Variants in MYO9B observed in about 807,000 individuals in gnomAD.
MYO9B encodes the protein myosin IXB.
In MYO9B, 71 loss-of-function variants were observed where a neutral mutation model predicts 229.5. The ratio of observed to expected loss-of-function variants is 0.31; its 90% CI spans 0.26 to 0.38. MYO9B has a LOEUF of 0.38. MYO9B is among the 10% of genes least tolerant of loss of function. MYO9B has a pLI of 1.00. For synonymous variants in MYO9B, 1,185 were observed against 1,235.8 expected, an observed-to-expected ratio of 0.96 and a Z score of 0.86; for missense variants, 2,255 against 2,920.5, an observed-to-expected ratio of 0.77 and a Z score of 5.25.
At chr19:17,175,395 G>A (rs531473205) in intron 13 of MYO9B, among the ~76,000 whole-genome samples, 1 of 151,984 alleles carries the variant, frequency 6.6e-6, no homozygotes, top group African/African-American at 2.4e-5. Context: ...GACCAGCCTG[G>A]CCAATATGGC....
At position 17,161,745 on chromosome 19, in the gene MYO9B, G is replaced by T. The variant is rs1244832556; in HGVS notation, c.1420-605G>T. ...GCTGGAGAATCGCTTGAACCCAGGA[G>T]GGAGAGGTTGCAGTGAGCCAAGACT... On this transcript the variant is annotated intron_variant, in intron 8 of 39. Coordinates refer to ENST00000682292, the MANE Select transcript of MYO9B (RefSeq NM_004145.4). 2.6e-5 allele frequency among the ~76,000 whole-genome samples: 4 copies of T among 152,074 alleles called. No homozygotes were observed. In the East Asian group the frequency reaches 5.8e-4, roughly 22 times the overall value.
At chr19:17,174,573 G>C (rs1435529687) in intron 13 of MYO9B, among the ~76,000 whole-genome samples, 1 of 152,104 alleles carries the variant, frequency 6.6e-6, no homozygotes, top group South Asian at 2.1e-4. Flanking sequence ...GGAGGCGGAG[G>C]TTGCAGTGAG....
chr19:17,205,222 C>T (rs2145504933), intron 30 of MYO9B, 41 bp from the exon 31 acceptor site: 1 of 1,580,614 alleles, frequency 6.3e-7, no homozygotes, highest in East Asian at 2.2e-5. Flanking sequence ...AATCTGGGGT[C>T]CCCAGCACCC....
In MYO9B at chr19:17,162,463, C is replaced by T. The variant is rs929451302; in HGVS notation, c.1533C>T (p.Val511=). Residue 511 remains valine, a synonymous_variant, in exon 9 of 40, where the codon GTC becomes GTT. Coordinates refer to ENST00000682292, the MANE Select transcript of MYO9B (RefSeq NM_004145.4). ...LLNKKDVEEA[V]SCLSIGVLDI... is the part of the protein sequence containing the mutation. The stretch of plus-strand genomic sequence containing the variant: ...ACAAGAAGGACGTGGAAGAGGCAGT[C>T]TCGGTGAGTGCCCCCATTTGCTTCC... The T allele has an allele frequency of 1.3e-6, 2 of 1,559,950 alleles. No homozygotes were observed. Among genetic ancestry groups the T allele is most frequent in the Non-Finnish European group, 8.7e-7 (1 of 1,153,526 alleles).
chr19:17,139,635 G>A (rs963240791), intron 2 of MYO9B, among the ~76,000 whole-genome samples: 4 of 151,830 alleles, frequency 2.6e-5, no homozygotes, highest in Non-Finnish European at 4.4e-5. Flanking sequence ...CTACCTGGGA[G>A]CTTGAGGCGG....
At chr19:17,143,647 C>T (rs989050218) in intron 2 of MYO9B, among the ~76,000 whole-genome samples, 1 of 151,946 alleles carries the variant, frequency 6.6e-6, no homozygotes, top group Non-Finnish European at 1.5e-5. Context: ...TGGGGCCAGG[C>T]ACAGTGGCTC....
chr19:17,169,802 C>CTTTTTTTTTT (rs762583073), intron 11 of MYO9B, among the ~76,000 whole-genome samples: 5 of 106,588 alleles, frequency 4.7e-5, no homozygotes, highest in African/African-American at 2.1e-4. Flanking sequence ...CTGTCTCCTC[C>CTTTTTTTTTT]TTTTTTTTTT....
rs1171296039 is a variant in MYO9B at position 17,113,521 on chromosome 19, A to T, written c.840+10964A>T. 2.6e-5 allele frequency among the ~76,000 whole-genome samples: 4 copies of T among 152,114 alleles called. No homozygotes were observed. In the East Asian group the frequency reaches 7.8e-4, roughly 29 times the overall value. On this transcript the variant is annotated intron_variant, in intron 2 of 39. Transcript: ENST00000682292. ...TAAACAGCGGGATGGTTATCCACAC[A>T]AACATCTAGGTCACCCATCCACACA...
At chr19:17,152,445 A>G (rs1225967938) in intron 3 of MYO9B, 199 bp from the exon 4 acceptor site, 1 of 461,966 alleles carries the variant, frequency 2.2e-6, no homozygotes, top group Non-Finnish European at 3.9e-6. Flanking sequence ...TGTAGTTCCA[A>G]CCAACCACTG....
At chr19:17,185,034 GGCTTGTGTA>G in intron 17 of MYO9B, 47 bp downstream of exon 17, 1 of 1,612,300 alleles carries the variant, frequency 6.2e-7, no homozygotes, top group Non-Finnish European at 8.5e-7. Context: ...CTCAGCCTCA[GGCTTGTGTA>G]GCTTCACCCG....
At chr19:17,175,998 A>G (rs1425784560) in intron 14 of MYO9B, among the ~76,000 whole-genome samples, 2 of 149,884 alleles carry the variant, frequency 1.3e-5, no homozygotes, top group East Asian at 4.0e-4. Context: ...ATGCCCAGCT[A>G]ATTTTGTTTT....
At chr19:17,158,695 A>T (rs2072564257) in intron 7 of MYO9B, among the ~76,000 whole-genome samples, 1 of 151,894 alleles carries the variant, frequency 6.6e-6, no homozygotes, top group South Asian at 2.1e-4. Flanking sequence ...GCGGGGAGGG[A>T]TGAGCGTGTC....
intron 2 of MYO9B, among the ~76,000 whole-genome samples, chr19:17,122,476 C>G (rs548419511): frequency 1.3e-5 from 2 of 152,206 alleles, no homozygotes; most frequent in East Asian, 1.9e-4. Flanking sequence ...GAGATTGCAC[C>G]TCTGCACTCC....
chr19:17,086,176 T>A (rs577295318), intron 1 of MYO9B, among the ~76,000 whole-genome samples: 2 of 152,298 alleles, frequency 1.3e-5, no homozygotes, highest in East Asian at 3.9e-4. Flanking sequence ...GGCTCCCCTG[T>A]CGGACTTGCA....
chr19:17,210,505 TG>T, intron 37 of MYO9B, 125 bp downstream of exon 37: 1 of 1,306,740 alleles, frequency 7.7e-7, no homozygotes, highest in Non-Finnish European at 1.0e-6. Flanking sequence ...AAGTGCATGC[TG>T]GGGAGGCCCC....
chr19:17,175,073 G>T (rs935053355), intron 13 of MYO9B, among the ~76,000 whole-genome samples: 2 of 151,970 alleles, frequency 1.3e-5, no homozygotes, highest in Admixed American at 6.6e-5. Flanking sequence ...AGCTATTTGA[G>T]ACCAGCCTGG....
In MYO9B at chr19:17,195,610, G is replaced by A. The variant is rs144868696; in HGVS notation, c.4046+137G>A. Reference sequence around the variant, plus strand: ...TGCGGGAGGCCTGAGGGAGGAGGACGAGCAGGACATGCTAAAGACCAAGTG... The same window carrying A: ...TGCGGGAGGCCTGAGGGAGGAGGACAAGCAGGACATGCTAAAGACCAAGTG... On this transcript the variant is annotated intron_variant, in intron 22 of 39. Transcript: ENST00000682292. This position sits in a 1 kb window ranked among gnomAD's most constrained non-coding sequence, Gnocchi z 4.5. 5.5e-4 allele frequency: 631 copies of A among 1,155,224 alleles called. 1 individual carries two copies. In the African/African-American group the frequency reaches 8.5e-3, roughly 16 times the overall value. The allele number at this position is 1,155,224 out of a possible 1,614,324, so 71.6% of individuals were successfully genotyped here. A position where few individuals can be genotyped will look rare whatever the true frequency, so the allele number is the denominator to read the frequency against.
At chr19:17,095,756 T>C (rs2057681630) in intron 1 of MYO9B, 1 of 152,204 alleles carries the variant, frequency 6.6e-6, no homozygotes, top group South Asian at 2.1e-4. Context: ...ATGTAATCTC[T>C]TTTGTCAGGC....
chr19:17,180,445 C>T (rs868162645), intron 14 of MYO9B, among the ~76,000 whole-genome samples: 6 of 148,606 alleles, frequency 4.0e-5, no homozygotes, highest in African/African-American at 9.9e-5. Flanking sequence ...CTCTGCCTCC[C>T]GGGTTCAAGC....
Sources: allele counts gnomAD v4.1 joint callset (sites outside exome capture counted in the v4.1 genomes callset), GRCh38; gene constraint gnomAD v4.1.1; non-coding constraint Gnocchi (gnomAD v3.1); transcripts MANE v1.5; gene names NCBI Gene and HGNC (gene_info 2026-07-23, HGNC 2026-07-21).